Variants in ZNRF1 observed in about 807,000 individuals in gnomAD.
ZNRF1 encodes the protein zinc and ring finger 1.
In ZNRF1, 3 loss-of-function variants were observed where a neutral mutation model predicts 18.4. That is an observed-to-expected ratio of 0.16 (90% CI 0.07 to 0.42). The LOEUF is 0.42. Among genes scored for constraint, ZNRF1 ranks in the 10% least tolerant of loss-of-function variants. The pLI is 0.99. For missense variants in ZNRF1, 310 were observed against 329.8 expected (o/e 0.94, Z 0.47); for synonymous variants, 157 against 144.2 (o/e 1.09, Z -0.64).
intron 1 of ZNRF1, among the ~76,000 whole-genome samples, chr16:75,075,032 G>T (rs1239531060): frequency 6.7e-6 from 1 of 149,296 alleles, no homozygotes; most frequent in Non-Finnish European, 1.5e-5. Context: ...CCCTGCCTGG[G>T]GTCATAAGCC....
At chr16:75,011,319 C>A (rs1350908635) in intron 1 of ZNRF1, among the ~76,000 whole-genome samples, 1 of 152,174 alleles carries the variant, frequency 6.6e-6, no homozygotes, top group South Asian at 2.1e-4. Flanking sequence ...TGTAAATGAT[C>A]TAAATGGTGT....
intron 1 of ZNRF1, among the ~76,000 whole-genome samples, chr16:75,042,268 T>C (rs2035458015): frequency 6.6e-6 from 1 of 152,164 alleles, no homozygotes. Context: ...TATCAATTTT[T>C]TGCTTTTATG....
intron 2 of ZNRF1, 81 bp downstream of exon 2, chr16:75,093,748 G>C (rs2036168098): frequency 8.9e-7 from 1 of 1,129,456 alleles, no homozygotes; most frequent in African/African-American, 1.5e-5. Flanking sequence ...CTCCAGTCGA[G>C]GGTGGTTCTG....
At chr16:75,029,750 C>T (rs2035275687) in intron 1 of ZNRF1, among the ~76,000 whole-genome samples, 1 of 151,476 alleles carries the variant, frequency 6.6e-6, no homozygotes, top group African/African-American at 2.4e-5. Flanking sequence ...GCCTGGGTAA[C>T]AGAGCGAGAC....
intron 1 of ZNRF1, among the ~76,000 whole-genome samples, chr16:75,065,193 A>G (rs1423257656): frequency 2.0e-5 from 3 of 152,236 alleles, no homozygotes; most frequent in Admixed American, 1.3e-4. Flanking sequence ...AAAAGCAAAA[A>G]TGATAAGAAA....
chr16:75,025,362 C>G (rs1323774771), intron 1 of ZNRF1, among the ~76,000 whole-genome samples: 1 of 152,180 alleles, frequency 6.6e-6, no homozygotes, highest in African/African-American at 2.4e-5. Context: ...GCCACCACGC[C>G]TGGCCTATTT....
chr16:75,106,452 G>C, intron 3 of ZNRF1, 30 bp from the exon 4 acceptor site: 1 of 1,613,776 alleles, frequency 6.2e-7, no homozygotes, highest in South Asian at 1.1e-5. Context: ...AGCAGGTAAC[G>C]TGGTTTCCCT....
At chr16:75,068,188 T>TAAAA (rs57755915) in intron 1 of ZNRF1, among the ~76,000 whole-genome samples, 4 of 88,956 alleles carry the variant, frequency 4.5e-5, no homozygotes, top group East Asian at 3.6e-4. Context: ...GACCTTGTCT[T>TAAAA]AAAAAAAAAA....
chr16:75,083,344 T>C (rs2036037347), intron 1 of ZNRF1, among the ~76,000 whole-genome samples: 1 of 152,240 alleles, frequency 6.6e-6, no homozygotes, highest in Non-Finnish European at 1.5e-5. Context: ...TATTACTAAG[T>C]AGTTGGTACA....
At chr16:75,015,154 AAT>A (rs2145328531) in intron 1 of ZNRF1, among the ~76,000 whole-genome samples, 1 of 152,330 alleles carries the variant, frequency 6.6e-6, no homozygotes, top group South Asian at 2.1e-4. Context: ...GAAATAACTG[AAT>A]ATTCAAGTAT....
intron 1 of ZNRF1, among the ~76,000 whole-genome samples, chr16:75,020,053 G>GT (rs35520846): frequency 7.3e-5 from 11 of 151,394 alleles, no homozygotes; most frequent in African/African-American, 2.4e-4. Flanking sequence ...CTATGTTAAA[G>GT]TTTTTTTTTA....
At chr16:75,015,112 C>G (rs2035049586) in intron 1 of ZNRF1, among the ~76,000 whole-genome samples, 1 of 152,004 alleles carries the variant, frequency 6.6e-6, no homozygotes, top group African/African-American at 2.4e-5. Flanking sequence ...TCTCTTTATT[C>G]TCTTTGTGAT....
intron 1 of ZNRF1, among the ~76,000 whole-genome samples, chr16:75,073,228 A>G (rs2035895564): frequency 6.6e-6 from 1 of 152,038 alleles, no homozygotes; most frequent in African/African-American, 2.4e-5. Flanking sequence ...ATAGATTTAT[A>G]TACATAAATA....
intron 1 of ZNRF1, among the ~76,000 whole-genome samples, chr16:75,010,580 A>T (rs2145322433): frequency 6.6e-6 from 1 of 152,242 alleles, no homozygotes; most frequent in East Asian, 1.9e-4. Flanking sequence ...GTCTTGGTGA[A>T]TCAGACTTGT....
intron 1 of ZNRF1, among the ~76,000 whole-genome samples, chr16:75,017,107 T>C (rs1388483423): frequency 6.6e-6 from 1 of 152,176 alleles, no homozygotes; most frequent in Non-Finnish European, 1.5e-5. Context: ...GATGTCTTTG[T>C]ATTGCAAACA....
intron 1 of ZNRF1, among the ~76,000 whole-genome samples, chr16:75,090,694 A>G (rs2036127120): frequency 6.6e-6 from 1 of 152,150 alleles, no homozygotes; most frequent in South Asian, 2.1e-4. Flanking sequence ...CGACTGTGCC[A>G]TGGAGTCAAC....
chr16:75,055,170 C>T (rs1353065687), intron 1 of ZNRF1, among the ~76,000 whole-genome samples: 2 of 152,198 alleles, frequency 1.3e-5, no homozygotes, highest in Admixed American at 6.6e-5. Context: ...AGTGTGGGAA[C>T]GTCATTTGGA....
chr16:75,025,063 A>T (rs1325789071), intron 1 of ZNRF1, among the ~76,000 whole-genome samples: 1 of 151,730 alleles, frequency 6.6e-6, no homozygotes, highest in Non-Finnish European at 1.5e-5. Flanking sequence ...ATTTTATTTA[A>T]TTAATTAATT....
intron 1 of ZNRF1, among the ~76,000 whole-genome samples, chr16:75,086,814 G>A (rs1023032289): frequency 2.6e-5 from 4 of 152,150 alleles, no homozygotes; most frequent in Non-Finnish European, 2.9e-5. Context: ...CTACCCCTCT[G>A]CCCCAGGACC....
Sources: allele counts gnomAD v4.1 joint callset (sites outside exome capture counted in the v4.1 genomes callset), GRCh38; gene constraint gnomAD v4.1.1; transcripts MANE v1.5; gene names NCBI Gene and HGNC (gene_info 2026-07-23, HGNC 2026-07-21).